The following MBNL2 variants were observed in gnomAD, a reference collection of about 807,000 sequenced individuals.
MBNL2 encodes the protein muscleblind like splicing regulator 2, also known as muscleblind-like protein 2.
In MBNL2, 17 loss-of-function variants were observed where a neutral mutation model predicts 41.9. The observed-to-expected ratio is 0.41, with a 90% CI of 0.28 to 0.61. MBNL2 has a LOEUF of 0.61. Ranked by LOEUF, MBNL2 falls within the 20% of genes least tolerant of loss-of-function variation. MBNL2 has a pLI of 0.35. For missense variants in MBNL2, 336 were observed against 505.6 expected (o/e 0.66, Z 3.22); for synonymous variants, 195 against 182.9 (o/e 1.07, Z -0.53).
chr13:97,391,316 T>A lies in MBNL2; in HGVS notation c.1049-6T>A. ...CCTAAATCATGCTTGTCTTTCTCTTTAACAGATAATTCTGAAATAATCAGC... is the reference window on the plus strand; with the variant it reads ...CCTAAATCATGCTTGTCTTTCTCTTAAACAGATAATTCTGAAATAATCAGC... On this transcript the variant is annotated splice_polypyrimidine_tract_variant and splice_region_variant and intron_variant, in intron 8 of 8. Coordinates refer to ENST00000679496, the MANE Select transcript of MBNL2 (RefSeq NM_001382683.1). 1 of 1,251,932 alleles carries A rather than the reference T, an allele frequency of 8.0e-7. No homozygotes were observed. Among genetic ancestry groups the A allele is most frequent in the Non-Finnish European group, 1.2e-6 (1 of 851,264 alleles). The allele number at this position is 1,251,932 out of a possible 1,614,324, so 77.6% of individuals were successfully genotyped here. A position where few individuals can be genotyped will look rare whatever the true frequency, so the allele number is the denominator to read the frequency against.
the MBNL2 span, among the ~76,000 whole-genome samples, chr13:97,204,645 C>T: frequency 6.6e-6 from 1 of 152,082 alleles, no homozygotes; most frequent in African/African-American, 2.4e-5. Flanking sequence ...AATTATGTAG[C>T]CACTAAATGA....
At chr13:97,192,878 C>T in the MBNL2 span, among the ~76,000 whole-genome samples, 17 of 152,262 alleles carry the variant, frequency 1.1e-4, no homozygotes, top group African/African-American at 2.2e-4. Flanking sequence ...TAGTTTCACC[C>T]GAAGGCTGAA....
chr13:97,354,445 C>T lies in MBNL2; in HGVS notation c.805-2351C>T, dbSNP rs535153209. ...TGAACAACATGTTAATATGCACACC[C>T]CGCCCTCCAAGACCTCAGTGTTTAC... is the stretch of plus-strand genomic sequence containing the variant. On this transcript the variant is annotated intron_variant, in intron 5 of 8. Coordinates refer to ENST00000679496, the MANE Select transcript of MBNL2 (RefSeq NM_001382683.1). 2.0e-5 allele frequency among the ~76,000 whole-genome samples: 3 copies of T among 152,270 alleles called. No homozygotes were observed. In the East Asian group the frequency reaches 5.8e-4, roughly 29 times the overall value.
At chr13:97,193,787 G>A in the MBNL2 span, among the ~76,000 whole-genome samples, 1 of 152,142 alleles carries the variant, frequency 6.6e-6, no homozygotes, top group Non-Finnish European at 1.5e-5. Context: ...GCCAGAGTCA[G>A]GCCATGTCAT....
At position 97,366,395 on chromosome 13, in the gene MBNL2, C is replaced by T; in HGVS notation, c.1048+1224C>T. ...CTCTGATATTCACCATGCCAAAATACCACTTCTATTACCATAATGCTACAC... is the reference window on the plus strand; with the variant it reads ...CTCTGATATTCACCATGCCAAAATATCACTTCTATTACCATAATGCTACAC... On this transcript the variant is annotated intron_variant, in intron 8 of 8. Coordinates refer to ENST00000679496, the MANE Select transcript of MBNL2 (RefSeq NM_001382683.1). The surrounding 1 kb of genome is among the most constrained non-coding windows in gnomAD (Gnocchi z 4.7). 1 of 779,452 alleles carries T rather than the reference C, an allele frequency of 1.3e-6. No individual in the cohort carries two copies. The highest frequency in any genetic ancestry group is 2.2e-6 in the Non-Finnish European group (1 of 448,876). 48.3% of individuals were successfully genotyped at this position (779,452 alleles called of 1,614,324 possible).
At chr13:97,361,758 ATTTTTTTTTTTTTT>A (rs71117641) in intron 7 of MBNL2, among the ~76,000 whole-genome samples, 6 of 56,318 alleles carry the variant, frequency 1.1e-4, no homozygotes, top group African/African-American at 1.4e-4. Context: ...TATAGGCGTA[ATTTTTTTTTTTTTT>A]TTTTTTTTTT....
chr13:97,330,927 A>C (rs75091920), intron 2 of MBNL2, among the ~76,000 whole-genome samples: 5,267 of 152,282 alleles, frequency 0.035, 289 homozygotes, highest in African/African-American at 0.12. Flanking sequence ...AAATATTAAT[A>C]CTAGATTGTA....
intron 1 of MBNL2, among the ~76,000 whole-genome samples, chr13:97,237,475 T>A (rs1178557284): frequency 6.6e-6 from 1 of 152,234 alleles, no homozygotes; most frequent in Non-Finnish European, 1.5e-5. Context: ...ACTCTACCGT[T>A]ACAGGTAAGA....
At chr13:97,298,911 G>A (rs1227899904) in intron 2 of MBNL2, among the ~76,000 whole-genome samples, 1 of 152,176 alleles carries the variant, frequency 6.6e-6, no homozygotes, top group African/African-American at 2.4e-5. Context: ...ATGCATTACA[G>A]CTCATTCTCA....
intron 1 of MBNL2, among the ~76,000 whole-genome samples, chr13:97,257,018 TTTAAATCG>T (rs1191280213): frequency 1.3e-5 from 2 of 152,236 alleles, no homozygotes; most frequent in Non-Finnish European, 2.9e-5. Context: ...AAAATAATAC[TTTAAATCG>T]GAAAGCATTA....
intron 1 of MBNL2, among the ~76,000 whole-genome samples, chr13:97,259,350 C>T (rs763334922): frequency 6.6e-6 from 1 of 152,164 alleles, no homozygotes; most frequent in Non-Finnish European, 1.5e-5. Context: ...TTGTCCTTTT[C>T]ACAGTCCGGG....
chr13:97,232,694 A>T (rs901030700), intron 1 of MBNL2, among the ~76,000 whole-genome samples: 1 of 152,164 alleles, frequency 6.6e-6, no homozygotes, highest in Non-Finnish European at 1.5e-5. Flanking sequence ...AGTTAAATAG[A>T]CATAAGCAAT....
intron 8 of MBNL2, among the ~76,000 whole-genome samples, chr13:97,370,484 A>G (rs1371534783): frequency 6.6e-6 from 1 of 152,084 alleles, no homozygotes; most frequent in Non-Finnish European, 1.5e-5. Flanking sequence ...AACCTGACCA[A>G]TGTGGAGAAA....
chr13:97,176,344 G>A, the MBNL2 span, among the ~76,000 whole-genome samples: 1 of 152,128 alleles, frequency 6.6e-6, no homozygotes. Context: ...CACTTTTTTG[G>A]AACACAGAAT....
At chr13:97,302,866 C>T (rs2153004055) in intron 2 of MBNL2, among the ~76,000 whole-genome samples, 1 of 152,298 alleles carries the variant, frequency 6.6e-6, no homozygotes, top group South Asian at 2.1e-4. Context: ...GGGGCACTGA[C>T]TGAGTGCCCT....
chr13:97,177,484 T>G, the MBNL2 span, among the ~76,000 whole-genome samples: 2 of 152,024 alleles, frequency 1.3e-5, no homozygotes, highest in Admixed American at 6.6e-5. Flanking sequence ...TGTAGGAGTT[T>G]CAGAAGATAA....
the MBNL2 span, among the ~76,000 whole-genome samples, chr13:97,213,930 C>A: frequency 6.6e-6 from 1 of 152,192 alleles, no homozygotes; most frequent in Non-Finnish European, 1.5e-5. Flanking sequence ...CTATTCCCCA[C>A]GTCCATTCCA....
intron 5 of MBNL2, among the ~76,000 whole-genome samples, chr13:97,352,341 G>A (rs2062577071): frequency 6.6e-6 from 1 of 152,128 alleles, no homozygotes; most frequent in Non-Finnish European, 1.5e-5. Context: ...TTGATTTTAA[G>A]TAATAATCTG....
the MBNL2 span, among the ~76,000 whole-genome samples, chr13:97,143,655 T>G: frequency 6.6e-6 from 1 of 152,262 alleles, no homozygotes; most frequent in African/African-American, 2.4e-5. Flanking sequence ...GATTTCCGTA[T>G]AATTTTACAA....
Sources: gnomAD v4.1 joint callset for allele counts (sites outside exome capture counted in the v4.1 genomes callset) on GRCh38, gnomAD v4.1.1 for gene constraint, Gnocchi (gnomAD v3.1) non-coding constraint, MANE v1.5 for transcripts, NCBI Gene and HGNC (gene_info 2026-07-23, HGNC 2026-07-21) for gene names.